The following GPR39 variants were observed in gnomAD, a reference collection of about 807,000 sequenced individuals.
The protein encoded by GPR39 is zinc sensing receptor.
A neutral mutation model predicts 18.4 loss-of-function variants in GPR39; 23 were observed. The observed-to-expected ratio is 1.25, with a 90% CI of 0.90 to 1.77. The LOEUF is 1.77. Ranked by LOEUF, GPR39 falls within the 40% of genes most tolerant of loss-of-function variation. The pLI, the probability that GPR39 is intolerant of heterozygous loss-of-function variation, is 0.00. For missense variants in GPR39, 647 were observed against 602.4 expected, an observed-to-expected ratio of 1.07 and a Z score of -0.78; for synonymous variants, 280 against 257.9, an observed-to-expected ratio of 1.09 and a Z score of -0.82.
At chr2:132,478,788 G>A (rs1048869119) in intron 1 of GPR39, among the ~76,000 whole-genome samples, 1 of 152,172 alleles carries the variant, frequency 6.6e-6, no homozygotes, top group Admixed American at 6.5e-5. Context: ...TCCATCAAAT[G>A]TTGTTTCAGA....
chr2:132,636,797 A>G (rs997535632), intron 1 of GPR39, among the ~76,000 whole-genome samples: 4 of 152,216 alleles, frequency 2.6e-5, no homozygotes, highest in Admixed American at 6.5e-5. Flanking sequence ...TGGCATGGCT[A>G]GAGCCCGTGT....
At chr2:132,633,338 CTG>C (rs55722602) in intron 1 of GPR39, among the ~76,000 whole-genome samples, 8,449 of 138,996 alleles carry the variant, frequency 0.061, 291 homozygotes, top group African/African-American at 0.097. Context: ...CCAAATACCT[CTG>C]TGTGTGTGTG....
chr2:132,628,365 G>GC (rs1221514213), intron 1 of GPR39, among the ~76,000 whole-genome samples: 2 of 152,152 alleles, frequency 1.3e-5, no homozygotes, highest in African/African-American at 4.8e-5. Context: ...ATGCCCACAG[G>GC]CTTGGGTCAC....
At chr2:132,564,815 T>TC (rs1558841462) in intron 1 of GPR39, among the ~76,000 whole-genome samples, 1 of 129,594 alleles carries the variant, frequency 7.7e-6, no homozygotes, top group African/African-American at 2.8e-5. Flanking sequence ...TTTTTCTTTT[T>TC]TTTTTTTTTT....
At chr2:132,507,837 A>T (rs1011520361) in intron 1 of GPR39, among the ~76,000 whole-genome samples, 4 of 152,204 alleles carry the variant, frequency 2.6e-5, no homozygotes, top group African/African-American at 9.6e-5. Context: ...CAGACAAAAG[A>T]AGAGAAGCAC....
chr2:132,441,203 C>T (rs1573603596), intron 1 of GPR39, among the ~76,000 whole-genome samples: 2 of 152,044 alleles, frequency 1.3e-5, no homozygotes, highest in Admixed American at 1.3e-4. Context: ...CTGTGTGCTC[C>T]CAGAACAGGA....
intron 1 of GPR39, among the ~76,000 whole-genome samples, chr2:132,589,218 C>A (rs547101876): frequency 3.3e-5 from 5 of 152,114 alleles, no homozygotes; most frequent in Admixed American, 6.5e-5. Flanking sequence ...CATGTCCCCC[C>A]CTCCCCATTG....
At chr2:132,546,722 G>A (rs1251269075) in intron 1 of GPR39, among the ~76,000 whole-genome samples, 1 of 151,272 alleles carries the variant, frequency 6.6e-6, no homozygotes, top group African/African-American at 2.4e-5. Context: ...CTCAGTGGAC[G>A]TTGGCACCCT....
intron 1 of GPR39, among the ~76,000 whole-genome samples, chr2:132,521,895 C>G (rs1219386194): frequency 6.6e-5 from 10 of 152,112 alleles, no homozygotes; most frequent in African/African-American, 2.4e-4. Context: ...ACAAAGTGTT[C>G]TTCTTCCCCC....
intron 1 of GPR39, among the ~76,000 whole-genome samples, chr2:132,535,246 C>G (rs1679732375): frequency 6.6e-6 from 1 of 152,064 alleles, no homozygotes; most frequent in Non-Finnish European, 1.5e-5. Context: ...TCCATCAATA[C>G]CTAGTTTGTT....
intron 1 of GPR39, among the ~76,000 whole-genome samples, chr2:132,444,332 C>T (rs1680496024): frequency 6.6e-6 from 1 of 151,916 alleles, no homozygotes; most frequent in Admixed American, 6.6e-5. Flanking sequence ...TCACTCTTGT[C>T]ACCTTAGGCT....
chr2:132,427,129 TAC>T (rs1172399534), intron 1 of GPR39, among the ~76,000 whole-genome samples: 1 of 39,416 alleles, frequency 2.5e-5, no homozygotes, highest in Non-Finnish European at 5.1e-5. Context: ...CATATATAGG[TAC>T]ATATATATAT....
Position 132,532,264 on chromosome 2 carries a change from G to A in GPR39, c.857-112837G>A, listed in dbSNP as rs186321475. ...ATCTAGAAGAAATGGATAATTTCTCGACACATACACCCTCCCAAGACTAAA... is the reference window on the plus strand; with the variant it reads ...ATCTAGAAGAAATGGATAATTTCTCAACACATACACCCTCCCAAGACTAAA... On this transcript the variant is annotated intron_variant, in intron 1 of 1. Transcript: ENST00000329321. Among the ~76,000 whole-genome samples, 357 of 152,226 alleles carry A rather than the reference G, an allele frequency of 2.3e-3. 2 individuals are homozygous for A. Among genetic ancestry groups the A allele is most frequent in the African/African-American group, 8.2e-3 (341 of 41,550 alleles).
chr2:132,527,556 A>G (rs1293981249), intron 1 of GPR39, among the ~76,000 whole-genome samples: 1 of 152,226 alleles, frequency 6.6e-6, no homozygotes, highest in Non-Finnish European at 1.5e-5. Context: ...CATTCCTACC[A>G]ACAGTATAAA....
intron 1 of GPR39, among the ~76,000 whole-genome samples, chr2:132,584,718 C>T (rs1052189010): frequency 1.3e-5 from 2 of 152,076 alleles, no homozygotes; most frequent in Non-Finnish European, 2.9e-5. Context: ...AACACCGTTT[C>T]GAAAAGCAGG....
At chr2:132,493,037 A>G (rs1681531335) in intron 1 of GPR39, among the ~76,000 whole-genome samples, 1 of 123,790 alleles carries the variant, frequency 8.1e-6, no homozygotes, top group Non-Finnish European at 1.7e-5. Context: ...TATACCATAT[A>G]TATACCATAT....
rs138004298 is a variant in GPR39 at position 132,554,440 on chromosome 2, C to T, written c.857-90661C>T. Among the ~76,000 whole-genome samples the T allele has an allele frequency of 2.1e-3, 314 of 152,242 alleles. 1 individual carries two copies. The Middle Eastern group carries it at 0.024, about 12-fold the overall frequency. On this transcript the variant is annotated intron_variant, in intron 1 of 1. Coordinates refer to ENST00000329321, the MANE Select transcript of GPR39 (RefSeq NM_001508.3). ...TCTGCTTCAAACTGCAGTTTCACACCAGGAAAATGGGATGCTCATGAGTTT... is the reference window on the plus strand; with the variant it reads ...TCTGCTTCAAACTGCAGTTTCACACTAGGAAAATGGGATGCTCATGAGTTT...
intron 1 of GPR39, among the ~76,000 whole-genome samples, chr2:132,462,345 A>G (rs916702478): frequency 6.6e-6 from 1 of 151,092 alleles, no homozygotes; most frequent in Non-Finnish European, 1.5e-5. Context: ...TTGTTTGAAT[A>G]ATTTTGCAGG....
At chr2:132,451,170 T>TGTGTGTGC (rs1680626009) in intron 1 of GPR39, among the ~76,000 whole-genome samples, 1 of 142,564 alleles carries the variant, frequency 7.0e-6, no homozygotes, top group Admixed American at 7.3e-5. Flanking sequence ...TGTGTGTGTG[T>TGTGTGTGC]GTGTGCACGC....
Sources: gnomAD v4.1 joint callset for allele counts (sites outside exome capture counted in the v4.1 genomes callset) on GRCh38, gnomAD v4.1.1 for gene constraint, MANE v1.5 for transcripts, NCBI Gene and HGNC (gene_info 2026-07-23, HGNC 2026-07-21) for gene names.